The following SGCZ variants were observed in gnomAD, a reference collection of about 807,000 sequenced individuals.
SGCZ encodes the protein zeta-sarcoglycan.
Under a neutral mutation model 41.3 loss-of-function variants are expected in SGCZ, and 40 were observed. The ratio of observed to expected loss-of-function variants is 0.97; its 90% CI spans 0.75 to 1.26. The LOEUF is 1.26. Ranked by LOEUF, SGCZ falls within the 50% of genes most tolerant of loss-of-function variation. SGCZ has a pLI of 0.00. For synonymous variants in SGCZ, 206 were observed against 137.5 expected (o/e 1.50, Z -3.49); for missense variants, 552 against 369.8 (o/e 1.49, Z -4.04).
chr8:14,724,243 A>G (rs1028565483), intron 1 of SGCZ, among the ~76,000 whole-genome samples: 1 of 152,146 alleles, frequency 6.6e-6, no homozygotes, highest in Non-Finnish European at 1.5e-5. Context: ...AAACAATGCT[A>G]AAGAGAAAGC....
At chr8:14,103,353 A>C (rs563401716) in intron 6 of SGCZ, among the ~76,000 whole-genome samples, 1 of 152,312 alleles carries the variant, frequency 6.6e-6, no homozygotes, top group Non-Finnish European at 1.5e-5. Context: ...GGATCCATGC[A>C]CTGGTCTTTT....
chr8:14,667,789 T>C (rs1807959014), intron 1 of SGCZ, among the ~76,000 whole-genome samples: 1 of 152,158 alleles, frequency 6.6e-6, no homozygotes, highest in Non-Finnish European at 1.5e-5. Flanking sequence ...GGGATAGTTG[T>C]TGAGACAGGT....
chr8:15,094,165 C>T (rs1806251636), intron 1 of SGCZ, among the ~76,000 whole-genome samples: 1 of 151,768 alleles, frequency 6.6e-6, no homozygotes, highest in Admixed American at 6.6e-5. Context: ...GACACGGTCT[C>T]ACTCTGTCGC....
Position 14,686,349 on chromosome 8 carries a change from G to C in SGCZ, c.40-131423C>G, listed in dbSNP as rs529530219. On this transcript the variant is annotated intron_variant, in intron 1 of 7. Transcript: ENST00000382080. ...AACAAATAAAAGAAAAAAATCTGGT[G>C]CACTAAATAAAATGTTTCCAAGGGA... 2.6e-5 allele frequency among the ~76,000 whole-genome samples: 4 copies of C among 152,190 alleles called. 1 individual carries two copies. The South Asian group carries it at 6.2e-4, about 24-fold the overall frequency.
intron 2 of SGCZ, among the ~76,000 whole-genome samples, chr8:14,439,534 C>T (rs1800187906): frequency 1.3e-5 from 2 of 151,428 alleles, no homozygotes; most frequent in Admixed American, 1.3e-4. Context: ...ACAATCTTTC[C>T]CAAAATATTA....
At chr8:14,344,459 T>G (rs901810459) in intron 2 of SGCZ, among the ~76,000 whole-genome samples, 7 of 151,904 alleles carry the variant, frequency 4.6e-5, no homozygotes, top group African/African-American at 1.7e-4. Flanking sequence ...ACAATAAAAC[T>G]GACAGCTAAC....
At chr8:14,748,350 G>C (rs1799399358) in intron 1 of SGCZ, among the ~76,000 whole-genome samples, 1 of 152,110 alleles carries the variant, frequency 6.6e-6, no homozygotes, top group South Asian at 2.1e-4. Context: ...TATTTACCTA[G>C]TGAGGCAATA....
At chr8:15,049,455 C>T (rs1218585627) in intron 1 of SGCZ, among the ~76,000 whole-genome samples, 1 of 152,030 alleles carries the variant, frequency 6.6e-6, no homozygotes, top group Non-Finnish European at 1.5e-5. Flanking sequence ...AATTCATTCT[C>T]AGAGCAAATG....
chr8:15,022,529 A>T (rs1803293332), intron 1 of SGCZ, among the ~76,000 whole-genome samples: 1 of 152,028 alleles, frequency 6.6e-6, no homozygotes, highest in African/African-American at 2.4e-5. Context: ...TTTTTAGCAG[A>T]GACGGGGTTT....
At chr8:14,757,131 C>T (rs898930604) in intron 1 of SGCZ, among the ~76,000 whole-genome samples, 1 of 152,172 alleles carries the variant, frequency 6.6e-6, no homozygotes, top group Non-Finnish European at 1.5e-5. Flanking sequence ...CCACTGCAAC[C>T]TCAGCCTACC....
intron 1 of SGCZ, among the ~76,000 whole-genome samples, chr8:14,685,487 T>A (rs1808583547): frequency 6.6e-6 from 1 of 152,108 alleles, no homozygotes; most frequent in African/African-American, 2.4e-5. Flanking sequence ...CCCTTTTATA[T>A]GACAATCTCA....
chr8:15,224,253 T>G (rs1047074985), intron 1 of SGCZ, among the ~76,000 whole-genome samples: 7 of 152,166 alleles, frequency 4.6e-5, no homozygotes, highest in Non-Finnish European at 7.4e-5. Context: ...AGGAAAGTCA[T>G]AAAATACCAA....
rs565504011 is a variant in SGCZ at position 14,337,069 on chromosome 8, T to A, written c.235-12865A>T. On this transcript the variant is annotated intron_variant, in intron 2 of 7. Transcript: ENST00000382080. ...GAGGACTGTGAGTGAGTATTCTCTGTCTGTAAGCCCTTTCAAGTATCTCCA... is the reference window on the plus strand; with the variant it reads ...GAGGACTGTGAGTGAGTATTCTCTGACTGTAAGCCCTTTCAAGTATCTCCA... Among the ~76,000 whole-genome samples the A allele has an allele frequency of 4.6e-5, 7 of 152,266 alleles. No individual in the cohort carries two copies. The East Asian group carries it at 1.4e-3, about 29-fold the overall frequency.
intron 2 of SGCZ, among the ~76,000 whole-genome samples, chr8:14,454,628 C>T (rs975143942): frequency 6.6e-6 from 1 of 151,972 alleles, no homozygotes; most frequent in Admixed American, 6.6e-5. Context: ...AAAATTTGCC[C>T]TAAAAGGTAA....
chr8:14,940,771 G>A (rs1390417233), intron 1 of SGCZ, among the ~76,000 whole-genome samples: 1 of 152,020 alleles, frequency 6.6e-6, no homozygotes, highest in Non-Finnish European at 1.5e-5. Flanking sequence ...GTCTGTGTTT[G>A]TGTACACATG....
chr8:14,267,553 T>G (rs775660743), intron 3 of SGCZ, among the ~76,000 whole-genome samples: 2 of 152,088 alleles, frequency 1.3e-5, no homozygotes, highest in Non-Finnish European at 2.9e-5. Context: ...TCGCCTAGTC[T>G]CATGATGCTA....
chr8:14,164,026 T>C (rs1276259063), intron 5 of SGCZ, among the ~76,000 whole-genome samples: 1 of 152,184 alleles, frequency 6.6e-6, no homozygotes, highest in South Asian at 2.1e-4. Context: ...TTTTACCTTT[T>C]TTAAAATTTT....
chr8:14,683,366 C>T (rs1346661353), intron 1 of SGCZ, among the ~76,000 whole-genome samples: 1 of 151,710 alleles, frequency 6.6e-6, no homozygotes, highest in Non-Finnish European at 1.5e-5. Flanking sequence ...TTCAGAACTA[C>T]AAAAACATTC....
chr8:15,074,082 G>A (rs1020013360), intron 1 of SGCZ, among the ~76,000 whole-genome samples: 5 of 152,092 alleles, frequency 3.3e-5, no homozygotes, highest in African/African-American at 1.2e-4. Context: ...AGATTTATAG[G>A]AGCATTGTGG....
Sources: gnomAD v4.1 joint callset for allele counts (sites outside exome capture counted in the v4.1 genomes callset) on GRCh38, gnomAD v4.1.1 for gene constraint, MANE v1.5 for transcripts, NCBI Gene and HGNC (gene_info 2026-07-23, HGNC 2026-07-21) for gene names.